PLSCR5: variants seen among roughly 807,000 people sequenced by gnomAD.
PLSCR5 encodes phospholipid scramblase family, member 5.
In PLSCR5, 44 loss-of-function variants were observed where a neutral mutation model predicts 33.6. The ratio of observed to expected loss-of-function variants is 1.31; its 90% CI spans 1.03 to 1.69. The LOEUF (loss-of-function observed/expected upper bound fraction) is 1.69, where lower values mean the gene tolerates loss of function less well. Ranked by LOEUF, PLSCR5 falls within the 40% of genes most tolerant of loss-of-function variation. The probability of loss-of-function intolerance (pLI) is 0.00; values close to 1 mark genes in which losing one functional copy is unlikely to be tolerated. For synonymous variants in PLSCR5, 148 were observed against 112.3 expected, an observed-to-expected ratio of 1.32 and a Z score of -2.01; for missense variants, 375 against 318.7, an observed-to-expected ratio of 1.18 and a Z score of -1.34.
intron 3 of PLSCR5, among the ~76,000 whole-genome samples, chr3:146,594,434 T>A (rs2044741804): frequency 6.6e-6 from 1 of 152,094 alleles, no homozygotes; most frequent in African/African-American, 2.4e-5. Context: ...TAAAGAATAA[T>A]TTATAGCTCA....
chr3:146,589,777 A>G lies in PLSCR5; in HGVS notation c.653T>C (p.Ile218Thr). The G allele has an allele frequency of 6.4e-7, 1 of 1,574,556 alleles. No individual in the cohort carries two copies. The highest frequency in any genetic ancestry group is 1.1e-5 in the South Asian group (1 of 87,166). Reference sequence around the variant, plus strand: ...TACAAATCCTGACCAGTACTTTGAAATCTTCCCAATTGTAAGCTTTTCATT... The same window carrying G: ...TACAAATCCTGACCAGTACTTTGAAGTCTTCCCAATTGTAAGCTTTTCATT... Reference protein sequence around the residue: ...TINEKLTIGKISKYWSGFVND... With the variant: ...TINEKLTIGKTSKYWSGFVND... The change falls in exon 6 of 8, where the codon ATT becomes ACT. Residue 218 changes from isoleucine (I) to threonine (T), a missense_variant. Physicochemically the swap from Ile to Thr is moderately conservative, Grantham distance 89 (BLOSUM62 -1). Coordinates refer to ENST00000443512, the MANE Select transcript of PLSCR5 (RefSeq NM_001085420.2).
At chr3:146,600,505 C>T (rs1467705575) in intron 1 of PLSCR5, 42 bp from the exon 2 acceptor site, 3 of 1,491,426 alleles carry the variant, frequency 2.0e-6, no homozygotes, top group Non-Finnish European at 1.8e-6. Flanking sequence ...TAAATTTAGG[C>T]CATTTTATTT....
chr3:146,582,205 A>G (rs1213993510), downstream of PLSCR5, among the ~76,000 whole-genome samples: 1 of 152,228 alleles, frequency 6.6e-6, no homozygotes, highest in Non-Finnish European at 1.5e-5. Context: ...TCTTTCAAAC[A>G]AAAGAACAGC....
At chr3:146,588,538 T>C (rs2044683711) in intron 6 of PLSCR5, among the ~76,000 whole-genome samples, 1 of 151,426 alleles carries the variant, frequency 6.6e-6, no homozygotes, top group Non-Finnish European at 1.5e-5. Flanking sequence ...GAAATGCACA[T>C]GCATGTGCAC....
chr3:146,586,104 C>T lies in PLSCR5; in HGVS notation c.786G>A (p.Met262Ile). Residue 262 changes from methionine to isoleucine, a missense_variant, in exon 7 of 8, where the codon ATG becomes ATA. Met to Ile is a conservative substitution (Grantham distance 10). Coordinates refer to ENST00000443512, the MANE Select transcript of PLSCR5 (RefSeq NM_001085420.2). ...ATCCAGCCAGTGAATGTTCAAAGAA[C>T]ATAAAATCCTACAAATAAGTAAACT... ...MIGACFLFDF[M>I]FFEHSLAGL The T allele has an allele frequency of 1.3e-6, 2 of 1,481,578 alleles. No homozygotes were observed. Among genetic ancestry groups the T allele is most frequent in the South Asian group, 2.6e-5 (2 of 75,520 alleles). 91.8% of individuals were successfully genotyped at this position (1,481,578 alleles called of 1,614,324 possible).
intron 7 of PLSCR5, among the ~76,000 whole-genome samples, chr3:146,578,554 A>G (rs2044613875): frequency 6.6e-6 from 1 of 152,092 alleles, no homozygotes; most frequent in Admixed American, 6.6e-5. Flanking sequence ...AAGGTCGACA[A>G]AAAGCTAACA....
At chr3:146,585,125 T>G (rs1265829027), downstream of PLSCR5, among the ~76,000 whole-genome samples, 2 of 152,108 alleles carry the variant, frequency 1.3e-5, no homozygotes, top group African/African-American at 2.4e-5. Flanking sequence ...TCAGGAAAAC[T>G]CCATAAATGT....
chr3:146,588,980 G>T (rs1348299196), intron 6 of PLSCR5, among the ~76,000 whole-genome samples: 2 of 152,100 alleles, frequency 1.3e-5, no homozygotes, highest in Non-Finnish European at 2.9e-5. Context: ...TTTTATGGCT[G>T]CATTGAAAAT....
chr3:146,586,037 T>C lies in PLSCR5; in HGVS notation c.*37A>G. On this transcript the variant is annotated 3_prime_UTR_variant, in exon 7 of 8. Coordinates refer to ENST00000443512, the MANE Select transcript of PLSCR5 (RefSeq NM_001085420.2). The stretch of plus-strand genomic sequence containing the variant: ...AACTTGCTTTTTACTTACTGAAATA[T>C]GTTCTGCATATTTTATTGTTTTCAT... 3 of 1,466,424 alleles carry C rather than the reference T, an allele frequency of 2.0e-6. No homozygotes were observed. The Middle Eastern group carries it at 5.3e-4, about 260-fold the overall frequency. The allele number at this position is 1,466,424 out of a possible 1,614,324, so 90.8% of individuals were successfully genotyped here.
At chr3:146,581,886 G>T (rs564249238), downstream of PLSCR5, among the ~76,000 whole-genome samples, 8 of 152,252 alleles carry the variant, frequency 5.3e-5, no homozygotes, top group Middle Eastern at 3.4e-3. Flanking sequence ...GAACATCCTT[G>T]AAGTAAACCA....
At chr3:146,597,117 A>G (rs549034981) in intron 2 of PLSCR5, among the ~76,000 whole-genome samples, 4 of 152,322 alleles carry the variant, frequency 2.6e-5, no homozygotes, top group Non-Finnish European at 5.9e-5. Context: ...TACTTTGAAT[A>G]CTGTTGTCAT....
At chr3:146,592,971 A>G (rs1330233164) in intron 4 of PLSCR5, among the ~76,000 whole-genome samples, 1 of 152,134 alleles carries the variant, frequency 6.6e-6, no homozygotes, top group Non-Finnish European at 1.5e-5. Context: ...TCATTTTATC[A>G]CTTAGTCAGA....
At chr3:146,587,441 G>A (rs1424892117) in intron 6 of PLSCR5, among the ~76,000 whole-genome samples, 18 of 152,170 alleles carry the variant, frequency 1.2e-4, no homozygotes. Flanking sequence ...TGTAAAATAG[G>A]TGAGTAGGGC....
At chr3:146,578,745 A>G (rs1446912343) in intron 7 of PLSCR5, among the ~76,000 whole-genome samples, 2 of 152,094 alleles carry the variant, frequency 1.3e-5, no homozygotes, top group African/African-American at 4.8e-5. Context: ...AAATAGTCTT[A>G]TCGTGTTTTA....
At chr3:146,603,829 C>T (rs2044840416) in intron 1 of PLSCR5, among the ~76,000 whole-genome samples, 1 of 150,246 alleles carries the variant, frequency 6.7e-6, no homozygotes, top group Non-Finnish European at 1.5e-5. Context: ...AAATATTTGT[C>T]AAGGTTTTTT....
intron 7 of PLSCR5, among the ~76,000 whole-genome samples, chr3:146,577,974 T>G (rs1369832022): frequency 6.6e-6 from 1 of 152,162 alleles, no homozygotes; most frequent in Admixed American, 6.6e-5. Context: ...TTAGTCTTTC[T>G]ATGTATTTTC....
chr3:146,584,692 G>A (rs925146614), downstream of PLSCR5, among the ~76,000 whole-genome samples: 3 of 152,014 alleles, frequency 2.0e-5, no homozygotes, highest in African/African-American at 7.2e-5. Flanking sequence ...CCAGAGTATG[G>A]GGGAGAGAAG....
rs774677844 is a variant in PLSCR5, at chr3:146,594,029, G to A, written c.344C>T (p.Thr115Ile). Reference protein sequence around the residue: ...SICFNRTFCSTLRSCTLRITD... With the variant: ...SICFNRTFCSILRSCTLRITD... ...GATCCTCAGGGTGCAAGATCGCAGAGTGGAACAGAAAGTACGATTGAAGCA... is the reference window on the plus strand; with the variant it reads ...GATCCTCAGGGTGCAAGATCGCAGAATGGAACAGAAAGTACGATTGAAGCA... The change falls in exon 4 of 8, where the codon ACT becomes ATT. Residue 115 changes from threonine (T) to isoleucine (I), a missense_variant. By Grantham distance (89) the Thr-to-Ile change is moderately conservative. Coordinates refer to ENST00000443512, the MANE Select transcript of PLSCR5 (RefSeq NM_001085420.2). 1 of 1,613,840 alleles carries A rather than the reference G, an allele frequency of 6.2e-7. No individual in the cohort carries two copies. The highest frequency in any genetic ancestry group is 8.5e-7 in the Non-Finnish European group (1 of 1,179,814).
chr3:146,589,765 CA>C lies in PLSCR5; in HGVS notation c.664del (p.Trp222GlyfsTer5). On this transcript the variant is annotated frameshift_variant, in exon 6 of 8. Coordinates refer to ENST00000443512, the MANE Select transcript of PLSCR5 (RefSeq NM_001085420.2). LOFTEE classifies it high-confidence loss of function. ...GAAGACATCATTTACAAATCCTGAC[CA>C]GTACTTTGAAATCTTCCCAATTGTA... ...KLTIGKISKYWSGFVNDVFTN... is the reference protein window; with the variant it reads ...KLTIGKISKYXSGFVNDVFTN... 1 of 1,586,876 alleles carries C rather than the reference CA, an allele frequency of 6.3e-7. No homozygotes were observed. Among genetic ancestry groups the C allele is most frequent in the South Asian group, 1.1e-5 (1 of 88,648 alleles).
Sources: allele counts gnomAD v4.1 joint callset (sites outside exome capture counted in the v4.1 genomes callset), GRCh38; gene constraint gnomAD v4.1.1; transcripts MANE v1.5; gene names NCBI Gene and HGNC (gene_info 2026-07-23, HGNC 2026-07-21).